Variants in RAPGEF6 observed in about 807,000 individuals in gnomAD.
The protein encoded by RAPGEF6 is PDZ domain containing guanine nucleotide exchange factor (GEF) 2.
Under a neutral mutation model 171.4 loss-of-function variants are expected in RAPGEF6, and 56 were observed. The observed-to-expected ratio is 0.33, with a 90% CI of 0.26 to 0.41. The LOEUF is 0.41. Among genes scored for constraint, RAPGEF6 ranks in the 10% least tolerant of loss-of-function variants. The pLI is 1.00. For synonymous variants in RAPGEF6, 692 were observed against 650.1 expected (o/e 1.06, Z -0.98); for missense variants, 1,674 against 1,921.4 (o/e 0.87, Z 2.41).
chr5:131,626,943 T>G (rs1765968012), intron 1 of RAPGEF6, among the ~76,000 whole-genome samples: 1 of 151,948 alleles, frequency 6.6e-6, no homozygotes, highest in South Asian at 2.1e-4. Flanking sequence ...TGAGCAAGAG[T>G]AGAACATAAT....
intron 4 of RAPGEF6, among the ~76,000 whole-genome samples, chr5:131,585,219 C>T (rs529496793): frequency 5.4e-4 from 81 of 150,850 alleles, no homozygotes; most frequent in African/African-American, 1.9e-3. Context: ...AACTCAATTC[C>T]AGGTAGACTA....
In RAPGEF6 at chr5:131,592,366, A is replaced by C; in HGVS notation, c.281+17T>G. On this transcript the variant is annotated intron_variant, in intron 4 of 27. Coordinates refer to ENST00000509018, the MANE Select transcript of RAPGEF6 (RefSeq NM_016340.6). ...TTAACATTAACTTTGCCTGCCATAT[A>C]GCAAATGTAAACGTACCTGCAAGGA... 2 of 1,611,590 alleles carry C rather than the reference A, an allele frequency of 1.2e-6. No homozygotes were observed. The highest frequency in any genetic ancestry group is 1.7e-6 in the Non-Finnish European group (2 of 1,178,552).
intron 3 of RAPGEF6, among the ~76,000 whole-genome samples, chr5:131,596,155 T>TTA (rs1763888755): frequency 7.9e-6 from 1 of 127,102 alleles, no homozygotes; most frequent in East Asian, 2.3e-4. Context: ...CTCCATCATA[T>TTA]AAAAAAAAAA....
At chr5:131,577,714 G>A (rs1762689909) in intron 4 of RAPGEF6, among the ~76,000 whole-genome samples, 1 of 152,084 alleles carries the variant, frequency 6.6e-6, no homozygotes, top group Admixed American at 6.6e-5. Flanking sequence ...CCTCCCCATT[G>A]GGTTCACCAT....
intron 4 of RAPGEF6, among the ~76,000 whole-genome samples, chr5:131,573,529 A>G (rs1762432565): frequency 1.3e-5 from 2 of 152,050 alleles, no homozygotes; most frequent in African/African-American, 4.8e-5. Flanking sequence ...CAGATGAACA[A>G]GAAAGAGTTT....
chr5:131,544,270 T>C (rs1170454697), intron 6 of RAPGEF6, among the ~76,000 whole-genome samples: 2 of 152,212 alleles, frequency 1.3e-5, no homozygotes, highest in Non-Finnish European at 2.9e-5. Context: ...GTAGCTTTAT[T>C]TGCAATTGCC....
intron 5 of RAPGEF6, among the ~76,000 whole-genome samples, chr5:131,551,718 G>A (rs1006679459): frequency 6.6e-6 from 1 of 152,044 alleles, no homozygotes; most frequent in South Asian, 2.1e-4. Flanking sequence ...AAACAATAAA[G>A]GCTTTACAGA....
chr5:131,462,527 T>C (rs537599554), intron 18 of RAPGEF6, among the ~76,000 whole-genome samples: 20 of 152,224 alleles, frequency 1.3e-4, no homozygotes, highest in Non-Finnish European at 2.6e-4. Context: ...GTTACTCCAC[T>C]CACTTCCTTT....
At chr5:131,486,319 T>G (rs1755885086) in intron 15 of RAPGEF6, among the ~76,000 whole-genome samples, 2 of 152,252 alleles carry the variant, frequency 1.3e-5, no homozygotes, top group Non-Finnish European at 2.9e-5. Flanking sequence ...CCAGAGTTTT[T>G]CACTATCTTT....
chr5:131,494,769 T>C lies in RAPGEF6; in HGVS notation c.1527+784A>G, dbSNP rs540173407. ...ACTAGGGTCAGTGAGCAGATTATAA[T>C]AGATCAGATATATTAAGTCCTAAAC... On this transcript the variant is annotated intron_variant, in intron 13 of 27. Coordinates refer to ENST00000509018, the MANE Select transcript of RAPGEF6 (RefSeq NM_016340.6). Among the ~76,000 whole-genome samples the C allele has an allele frequency of 3.9e-5, 3 of 76,586 alleles. No individual in the cohort carries two copies. The South Asian group carries it at 1.3e-3, about 33-fold the overall frequency. 50.2% of individuals were successfully genotyped at this position (76,586 alleles called of 152,430 possible). A position where few individuals can be genotyped will look rare whatever the true frequency, so the allele number is the denominator to read the frequency against.
At chr5:131,571,385 C>A (rs532285717) in intron 4 of RAPGEF6, among the ~76,000 whole-genome samples, 2 of 152,178 alleles carry the variant, frequency 1.3e-5, no homozygotes, top group Admixed American at 6.5e-5. Context: ...TTCAAAAATT[C>A]TTATTCAAAA....
chr5:131,498,743 G>A, intron 11 of RAPGEF6, 136 bp from the exon 12 acceptor site: 2 of 779,256 alleles, frequency 2.6e-6, no homozygotes, highest in Admixed American at 3.0e-5. Context: ...TAAATCCTTA[G>A]CGCTGGGAGA....
chr5:131,439,962 T>C lies in RAPGEF6; in HGVS notation c.3611-247A>G, dbSNP rs561979166. ...ATATTAGTTTGTCTGCACTTTGTGG[T>C]ATAAGGGAAATCAATTTAACAGTCT... On this transcript the variant is annotated intron_variant, in intron 23 of 27. Transcript: ENST00000509018. 12 of 595,008 alleles carry C rather than the reference T, an allele frequency of 2.0e-5. No homozygotes were observed. The South Asian group carries it at 2.4e-4, about 12-fold the overall frequency. The allele number at this position is 595,008 out of a possible 1,614,324, so 36.9% of individuals were successfully genotyped here. A position where few individuals can be genotyped will look rare whatever the true frequency, so the allele number is the denominator to read the frequency against.
intron 4 of RAPGEF6, among the ~76,000 whole-genome samples, chr5:131,563,580 T>C (rs894420442): frequency 2.6e-5 from 4 of 152,210 alleles, no homozygotes; most frequent in African/African-American, 7.2e-5. Context: ...CACGGCTCAC[T>C]GTAGCCTCGA....
chr5:131,593,099 A>T lies in RAPGEF6; in HGVS notation c.198-633T>A, dbSNP rs557711058. ...GAACACAGAGTCACTAGTAAACAGA[A>T]AATGCAAATGAAAACAACTCTAAAA... On this transcript the variant is annotated intron_variant, in intron 3 of 27. Transcript: ENST00000509018. Among the ~76,000 whole-genome samples the T allele has an allele frequency of 3.9e-5, 6 of 152,356 alleles. No individual in the cohort carries two copies. In the East Asian group the frequency reaches 1.2e-3, roughly 29 times the overall value.
At chr5:131,454,046 G>A (rs1753304460) in intron 20 of RAPGEF6, among the ~76,000 whole-genome samples, 1 of 152,152 alleles carries the variant, frequency 6.6e-6, no homozygotes, top group Non-Finnish European at 1.5e-5. Context: ...ATTTCCCAGT[G>A]CTTGCCCCTA....
At chr5:131,625,717 G>A (rs1340844649) in intron 1 of RAPGEF6, among the ~76,000 whole-genome samples, 1 of 151,582 alleles carries the variant, frequency 6.6e-6, no homozygotes, top group Non-Finnish European at 1.5e-5. Flanking sequence ...TCGGGAGGCT[G>A]AGACAAGAGA....
intron 24 of RAPGEF6, among the ~76,000 whole-genome samples, chr5:131,437,984 G>T (rs1188053152): frequency 1.3e-5 from 2 of 151,720 alleles, no homozygotes; most frequent in African/African-American, 4.8e-5. Context: ...CCCAGGTTAG[G>T]CAACAATTCT....
At chr5:131,558,488 T>C (rs1761384337) in intron 5 of RAPGEF6, among the ~76,000 whole-genome samples, 1 of 152,152 alleles carries the variant, frequency 6.6e-6, no homozygotes, top group South Asian at 2.1e-4. Flanking sequence ...CTGATATTTA[T>C]TTTTATATTG....
Sources: allele counts gnomAD v4.1 joint callset (sites outside exome capture counted in the v4.1 genomes callset), GRCh38; gene constraint gnomAD v4.1.1; transcripts MANE v1.5; gene names NCBI Gene and HGNC (gene_info 2026-07-23, HGNC 2026-07-21).